Variants in UBFD1 observed in about 807,000 individuals in gnomAD.
The protein encoded by UBFD1 is ubiquitin family domain containing 1.
A neutral mutation model predicts 35.1 loss-of-function variants in UBFD1; 12 were observed. That is an observed-to-expected ratio of 0.34 (90% CI 0.22 to 0.55). The LOEUF is 0.55. Among genes scored for constraint, UBFD1 ranks in the 20% least tolerant of loss-of-function variants. The pLI is 0.89. For synonymous variants in UBFD1, 178 were observed against 167.6 expected (o/e 1.06, Z -0.48); for missense variants, 337 against 410.8 (o/e 0.82, Z 1.55).
chr16:23,562,074 ATCCATAG>A (rs1965943484), intron 3 of UBFD1, 125 bp from the exon 4 acceptor site: 1 of 762,442 alleles, frequency 1.3e-6, no homozygotes, highest in Admixed American at 2.6e-5. Flanking sequence ...GTTTCAAAGG[ATCCATAG>A]TCTGTCGTCA....
At chr16:23,558,363 C>T (rs1965860845) in intron 2 of UBFD1, 84 bp downstream of exon 2, 2 of 1,505,318 alleles carry the variant, frequency 1.3e-6, no homozygotes, top group South Asian at 1.2e-5. Flanking sequence ...TGGTGGCTTT[C>T]CTTGCATCAG....
At position 23,562,273 on chromosome 16, in the gene UBFD1, T is replaced by C; in HGVS notation, c.630+2T>C. ...ATGCCATCTGTTAAGGGGGCCCAGG[T>C]AAGGCGGATTTCTTTGTGAGCATTC... On this transcript the variant is annotated splice_donor_variant, in intron 4 of 6. Coordinates refer to ENST00000395878, the MANE Select transcript of UBFD1 (RefSeq NM_019116.3). LOFTEE classifies it high-confidence loss of function. 6.2e-7 allele frequency: 1 copy of C among 1,613,712 alleles called. No homozygotes were observed. Among genetic ancestry groups the C allele is most frequent in the Non-Finnish European group, 8.5e-7 (1 of 1,179,868 alleles).
rs758323175 is a variant in UBFD1 at position 23,570,951 on chromosome 16, A to ATTTTT, written c.*361_*362insTTTTT. Reference sequence around the variant, plus strand: ...TGATCAAAAGCTTTGTTTTTTTTAAAAAAAAAAAAAGCAGTTTCAATTGAA... The same window carrying ATTTTT: ...TGATCAAAAGCTTTGTTTTTTTTAAATTTTTAAAAAAAAAAGCAGTTTCAATTGAA... On this transcript the variant is annotated 3_prime_UTR_variant, in exon 7 of 7. Transcript: ENST00000395878. 5 of 153,338 alleles carry ATTTTT rather than the reference A, an allele frequency of 3.3e-5. No homozygotes were observed. In the South Asian group the frequency reaches 8.3e-4, roughly 25 times the overall value. The allele number at this position is 153,338 out of a possible 1,614,324, so 9.5% of individuals were successfully genotyped here. A position where few individuals can be genotyped will look rare whatever the true frequency, so the allele number is the denominator to read the frequency against.
At chr16:23,567,549 G>A (rs1010978934) in intron 6 of UBFD1, among the ~76,000 whole-genome samples, 2 of 152,210 alleles carry the variant, frequency 1.3e-5, no homozygotes, top group Non-Finnish European at 2.9e-5. Context: ...GGGAAGACGG[G>A]CTCTGTGGAG....
At position 23,572,864 on chromosome 16, in the gene UBFD1, C is replaced by T. The variant is rs2142224369; in HGVS notation, c.*2274C>T. 6.6e-6 allele frequency: 1 copy of T among 152,366 alleles called. No homozygotes were observed. Among genetic ancestry groups the T allele is most frequent in the African/African-American group, 2.4e-5 (1 of 41,578 alleles). The allele number at this position is 152,366 out of a possible 1,614,324, so 9.4% of individuals were successfully genotyped here. A position where few individuals can be genotyped will look rare whatever the true frequency, so the allele number is the denominator to read the frequency against. On this transcript the variant is annotated 3_prime_UTR_variant, in exon 7 of 7. Coordinates refer to ENST00000395878, the MANE Select transcript of UBFD1 (RefSeq NM_019116.3). The stretch of plus-strand genomic sequence containing the variant: ...TGCTTTACAGAGCTCACTAAATCAG[C>T]TTCAACAATCTTGAGCTCTGTGGCT...
Position 23,558,014 on chromosome 16 carries a change from C to A in UBFD1, c.90C>A (p.Pro30=). 1.5e-6 allele frequency: 2 copies of A among 1,358,958 alleles called. No individual in the cohort carries two copies. Among genetic ancestry groups the A allele is most frequent in the East Asian group, 2.9e-5 (1 of 34,180 alleles). 84.2% of individuals were successfully genotyped at this position (1,358,958 alleles called of 1,614,324 possible). Residue 30 remains proline, a synonymous_variant, in exon 2 of 7, where the codon CCC becomes CCA. Coordinates refer to ENST00000395878, the MANE Select transcript of UBFD1 (RefSeq NM_019116.3). ...ETVATEAPAR[P]VNCLEAEAAA... is the part of the protein sequence containing the mutation. ...TGGCTACTGAGGCTCCCGCGCGGCC[C>A]GTCAACTGCCTGGAGGCTGAAGCCG...
At chr16:23,568,171 T>G (rs1223617673) in intron 6 of UBFD1, among the ~76,000 whole-genome samples, 1 of 150,360 alleles carries the variant, frequency 6.7e-6, no homozygotes, top group South Asian at 2.1e-4. Flanking sequence ...TTTTTTTTTT[T>G]TTTTTTTGAG....
chr16:23,568,684 T>G lies in UBFD1; in HGVS notation c.819+1615T>G, dbSNP rs889055803. The stretch of plus-strand genomic sequence containing the variant: ...AATTACAAAGATTAGCTGGGCGTGG[T>G]GGCGGGCACCTGTAATCCCAGCTAC... On this transcript the variant is annotated intron_variant, in intron 6 of 6. Transcript: ENST00000395878. 4 of 151,570 alleles carry G rather than the reference T, an allele frequency of 2.6e-5. No individual in the cohort carries two copies. The East Asian group carries it at 6.0e-4, about 23-fold the overall frequency. 9.4% of individuals were successfully genotyped at this position (151,570 alleles called of 1,614,324 possible).
At chr16:23,567,202 G>A in intron 6 of UBFD1, 133 bp downstream of exon 6, 1 of 774,782 alleles carries the variant, frequency 1.3e-6, no homozygotes, top group South Asian at 1.7e-5. Context: ...AGACCCTGAT[G>A]TTTTCTTCAT....
At chr16:23,565,849 G>GCCCCCCCCCCCCC (rs1258779411) in intron 5 of UBFD1, 4 of 62,870 alleles carry the variant, frequency 6.4e-5, no homozygotes, top group African/African-American at 1.2e-4. Context: ...GAGCCTCCCT[G>GCCCCCCCCCCCCC]CCCCCCTCCC....
rs1369219476 is a variant in UBFD1 at position 23,574,224 on chromosome 16, C to T, written c.*3634C>T. 2.0e-5 allele frequency: 3 copies of T among 152,272 alleles called. No homozygotes were observed. The highest frequency in any genetic ancestry group is 4.4e-5 in the Non-Finnish European group (3 of 68,010). 9.4% of individuals were successfully genotyped at this position (152,272 alleles called of 1,614,324 possible). A position where few individuals can be genotyped will look rare whatever the true frequency, so the allele number is the denominator to read the frequency against. On this transcript the variant is annotated 3_prime_UTR_variant, in exon 7 of 7. Transcript: ENST00000395878. ...ACCATGTTTCCTTGTGGTGTATGCT[C>T]TGTTCTGGTTTCTGTTTTCAAATCA...
chr16:23,557,786 G>A lies in UBFD1; in HGVS notation c.25+19G>A. 7.8e-7 allele frequency: 1 copy of A among 1,276,816 alleles called. No homozygotes were observed. Among genetic ancestry groups the A allele is most frequent in the Non-Finnish European group, 9.9e-7 (1 of 1,011,492 alleles). 79.1% of individuals were successfully genotyped at this position (1,276,816 alleles called of 1,614,324 possible). A position where few individuals can be genotyped will look rare whatever the true frequency, so the allele number is the denominator to read the frequency against. ...CCGGATGGTGAGTGCGGCGGGGGTG[G>A]CGGGCGCCGGGCCGGGGCTGAGGTT... On this transcript the variant is annotated intron_variant, in intron 1 of 6. Coordinates refer to ENST00000395878, the MANE Select transcript of UBFD1 (RefSeq NM_019116.3).
chr16:23,571,858 T>G lies in UBFD1; in HGVS notation c.*1268T>G, dbSNP rs1966089161. On this transcript the variant is annotated 3_prime_UTR_variant, in exon 7 of 7. Coordinates refer to ENST00000395878, the MANE Select transcript of UBFD1 (RefSeq NM_019116.3). ...TACACGTGAACTTCTGTCATCTCCT[T>G]CTGGCTTGGTTGCCTCTGAAAGGAG... The G allele has an allele frequency of 6.6e-6, 1 of 152,660 alleles. No individual in the cohort carries two copies. Among genetic ancestry groups the G allele is most frequent in the Non-Finnish European group, 1.5e-5 (1 of 68,050 alleles). 9.5% of individuals were successfully genotyped at this position (152,660 alleles called of 1,614,324 possible). A position where few individuals can be genotyped will look rare whatever the true frequency, so the allele number is the denominator to read the frequency against.
chr16:23,570,758 T>A lies in UBFD1; in HGVS notation c.*168T>A, dbSNP rs2142222415. ...AGCCAGAGGTGATGTACTTTCACCA[T>A]TAGCTTAATTTTAACTTAAAATTAC... On this transcript the variant is annotated 3_prime_UTR_variant, in exon 7 of 7. Coordinates refer to ENST00000395878, the MANE Select transcript of UBFD1 (RefSeq NM_019116.3). 1 of 518,240 alleles carries A rather than the reference T, an allele frequency of 1.9e-6. No homozygotes were observed. Among genetic ancestry groups the A allele is most frequent in the East Asian group, 3.2e-5 (1 of 31,138 alleles). 32.1% of individuals were successfully genotyped at this position (518,240 alleles called of 1,614,324 possible).
intron 3 of UBFD1, 182 bp from the exon 4 acceptor site, chr16:23,562,024 C>T (rs1008592523): frequency 1.0e-5 from 6 of 576,868 alleles, no homozygotes; most frequent in Admixed American, 1.0e-4. Context: ...CGAACATATT[C>T]GCCCTCCCAG....
At chr16:23,566,755 A>G (rs1966016981) in intron 5 of UBFD1, 1 of 483,430 alleles carries the variant, frequency 2.1e-6, no homozygotes, top group South Asian at 3.2e-5. Context: ...CCTTTACTAT[A>G]CCATTGCCAA....
intron 6 of UBFD1, among the ~76,000 whole-genome samples, chr16:23,568,519 T>G (rs1486115376): frequency 1.3e-5 from 2 of 151,574 alleles, no homozygotes; most frequent in Non-Finnish European, 2.9e-5. Flanking sequence ...GTCAGTTATT[T>G]TTTTCTGTTT....
At chr16:23,558,351 C>T in intron 2 of UBFD1, 72 bp downstream of exon 2, 2 of 1,542,240 alleles carry the variant, frequency 1.3e-6, no homozygotes, top group East Asian at 2.6e-5. Context: ...CTACTAGGCA[C>T]CTGGTGGCTT....
rs1048489491 is a variant in UBFD1 at position 23,573,948 on chromosome 16, T to C, written c.*3358T>C. 1 of 152,242 alleles carries C rather than the reference T, an allele frequency of 6.6e-6. No individual in the cohort carries two copies. Among genetic ancestry groups the C allele is most frequent in the Non-Finnish European group, 1.5e-5 (1 of 68,068 alleles). The allele number at this position is 152,242 out of a possible 1,614,324, so 9.4% of individuals were successfully genotyped here. A position where few individuals can be genotyped will look rare whatever the true frequency, so the allele number is the denominator to read the frequency against. On this transcript the variant is annotated 3_prime_UTR_variant, in exon 7 of 7. Coordinates refer to ENST00000395878, the MANE Select transcript of UBFD1 (RefSeq NM_019116.3). ...CTTGCCTCTGTTCACACCTGTTGTCTTGGAAGAGGATGGTCCCTTTGTCTT... is the reference window on the plus strand; with the variant it reads ...CTTGCCTCTGTTCACACCTGTTGTCCTGGAAGAGGATGGTCCCTTTGTCTT...
Sources: allele counts gnomAD v4.1 joint callset (sites outside exome capture counted in the v4.1 genomes callset), GRCh38; gene constraint gnomAD v4.1.1; transcripts MANE v1.5; gene names NCBI Gene and HGNC (gene_info 2026-07-23, HGNC 2026-07-21).